Variants in PHACTR3 observed in about 807,000 individuals in gnomAD.
PHACTR3 encodes phosphatase and actin regulator 3, also known as protein phosphatase 1, regulatory subunit 123.
In PHACTR3, 16 loss-of-function variants were observed where a neutral mutation model predicts 66.8. The ratio of observed to expected loss-of-function variants is 0.24; its 90% confidence interval spans 0.16 to 0.36. The LOEUF is 0.36. Ranked by LOEUF, PHACTR3 falls within the 10% of genes least tolerant of loss-of-function variation. The pLI is 1.00. For missense variants in PHACTR3, 647 were observed against 719.9 expected (o/e 0.90, Z 1.16); for synonymous variants, 323 against 292.1 (o/e 1.11, Z -1.08).
rs755529112 is a variant in PHACTR3 at position 59,806,120 on chromosome 20, C to T, written c.1254C>T (p.Asp418=). The change falls in exon 8 of 13, where the codon GAC becomes GAT. Residue 418 remains aspartate, a synonymous_variant. Coordinates refer to ENST00000371015, the MANE Select transcript of PHACTR3 (RefSeq NM_080672.5). Reference sequence around the variant, plus strand: ...GGCCAAGCAAACAGGAACTAGAAGACCGGAACATTTTCCCCAGAAGGACTG... The same window carrying T: ...GGCCAAGCAAACAGGAACTAGAAGATCGGAACATTTTCCCCAGAAGGACTG... ...RNRPSKQELE[D]RNIFPRRTDE... The T allele has an allele frequency of 2.5e-6, 4 of 1,614,140 alleles. No homozygotes were observed. The highest frequency in any genetic ancestry group is 3.3e-5 in the Admixed American group (2 of 60,004).
chr20:59,763,444 A>G (rs1305799652), intron 4 of PHACTR3, among the ~76,000 whole-genome samples: 1 of 152,306 alleles, frequency 6.6e-6, no homozygotes, highest in East Asian at 1.9e-4. Flanking sequence ...TAGTGCCTGG[A>G]ACCCATGGTT....
intron 1 of PHACTR3, among the ~76,000 whole-genome samples, chr20:59,594,942 CT>C (rs1414830932): frequency 6.6e-6 from 1 of 152,140 alleles, no homozygotes; most frequent in Non-Finnish European, 1.5e-5. Flanking sequence ...AAATTTCACT[CT>C]AAACATTGTT....
chr20:59,759,421 A>C (rs953982647), intron 4 of PHACTR3, among the ~76,000 whole-genome samples: 29 of 152,196 alleles, frequency 1.9e-4, no homozygotes, highest in African/African-American at 6.3e-4. Flanking sequence ...TTCAGTCATC[A>C]AAGTTCAGGC....
At chr20:59,618,160 C>T (rs539580659) in intron 1 of PHACTR3, among the ~76,000 whole-genome samples, 9 of 152,156 alleles carry the variant, frequency 5.9e-5, no homozygotes, top group Non-Finnish European at 1.2e-4. Flanking sequence ...GTGCAAAGGC[C>T]AGGTGGTGGG....
chr20:59,671,278 T>C (rs1419798278), intron 1 of PHACTR3, among the ~76,000 whole-genome samples: 1 of 151,906 alleles, frequency 6.6e-6, no homozygotes, highest in African/African-American at 2.4e-5. Flanking sequence ...AGGCTGGGGG[T>C]GCGGCTCCAT....
chr20:59,833,643 C>G (rs1258596187), intron 8 of PHACTR3, among the ~76,000 whole-genome samples: 2 of 152,154 alleles, frequency 1.3e-5, no homozygotes, highest in Non-Finnish European at 2.9e-5. Flanking sequence ...AATGCACAGC[C>G]TCACTCCTCA....
intron 1 of PHACTR3, among the ~76,000 whole-genome samples, chr20:59,608,736 G>T (rs2033750616): frequency 6.6e-6 from 1 of 152,174 alleles, no homozygotes; most frequent in Non-Finnish European, 1.5e-5. Context: ...CAACTCTCTG[G>T]CTCTGAGCTC....
At chr20:59,618,487 G>A (rs2034114697) in intron 1 of PHACTR3, among the ~76,000 whole-genome samples, 1 of 152,204 alleles carries the variant, frequency 6.6e-6, no homozygotes, top group Non-Finnish European at 1.5e-5. Flanking sequence ...AGATGGTGGG[G>A]CCTGGGCTGG....
At chr20:59,675,301 G>A (rs1047838583) in intron 1 of PHACTR3, among the ~76,000 whole-genome samples, 1 of 151,896 alleles carries the variant, frequency 6.6e-6, no homozygotes, top group Admixed American at 6.6e-5. Flanking sequence ...CTGGGGAAGG[G>A]TACCCCATTG....
At chr20:59,752,012 ATAATT>A (rs909483542) in intron 3 of PHACTR3, among the ~76,000 whole-genome samples, 4 of 152,156 alleles carry the variant, frequency 2.6e-5, no homozygotes, top group African/African-American at 7.2e-5. Flanking sequence ...ATTTTCTTAA[ATAATT>A]TAAGGAATTT....
chr20:59,824,766 C>G (rs1018460031), intron 8 of PHACTR3, among the ~76,000 whole-genome samples: 3 of 152,220 alleles, frequency 2.0e-5, no homozygotes, highest in Non-Finnish European at 4.4e-5. Flanking sequence ...CCCTGATTGA[C>G]AGCCCCACCA....
intron 3 of PHACTR3, among the ~76,000 whole-genome samples, chr20:59,748,894 A>G (rs1180646449): frequency 6.6e-6 from 1 of 152,214 alleles, no homozygotes; most frequent in African/African-American, 2.4e-5. Flanking sequence ...GAAATAAACG[A>G]ATCCAGATTT....
chr20:59,794,224 T>C (rs925862673), intron 7 of PHACTR3, among the ~76,000 whole-genome samples: 4 of 152,160 alleles, frequency 2.6e-5, no homozygotes, highest in Non-Finnish European at 5.9e-5. Flanking sequence ...TAACTATGGA[T>C]TTGTCATATA....
intron 1 of PHACTR3, among the ~76,000 whole-genome samples, chr20:59,606,014 T>A (rs1027278205): frequency 1.8e-4 from 27 of 152,322 alleles, no homozygotes; most frequent in African/African-American, 6.3e-4. Flanking sequence ...AAAGCTGGTG[T>A]TTTGGTATCA....
At chr20:59,718,861 C>T (rs1601178993) in intron 1 of PHACTR3, among the ~76,000 whole-genome samples, 1 of 152,238 alleles carries the variant, frequency 6.6e-6, no homozygotes, top group Non-Finnish European at 1.5e-5. Context: ...TTGCAAGCAG[C>T]TGTGAATGGT....
chr20:59,669,752 C>T (rs1272263158), intron 1 of PHACTR3, among the ~76,000 whole-genome samples: 2 of 152,194 alleles, frequency 1.3e-5, no homozygotes, highest in Non-Finnish European at 2.9e-5. Context: ...TGGCTTCCTT[C>T]ATTTGGCATC....
chr20:59,650,393 G>A (rs2035424052), intron 1 of PHACTR3, among the ~76,000 whole-genome samples: 1 of 151,966 alleles, frequency 6.6e-6, no homozygotes, highest in Non-Finnish European at 1.5e-5. Flanking sequence ...TGGGGGGAGG[G>A]CGTTAATTTT....
rs539933849 is a variant in PHACTR3, at chr20:59,643,205, C to T, written c.118+38073C>T. ...GGATTACAGGCGTGAGCCACTGCGC[C>T]GGCCTAATTCTTCTTTTAAAAGTTG... On this transcript the variant is annotated intron_variant, in intron 1 of 12. Coordinates refer to ENST00000371015, the MANE Select transcript of PHACTR3 (RefSeq NM_080672.5). Among the ~76,000 whole-genome samples the T allele has an allele frequency of 5.9e-5, 9 of 152,196 alleles. No homozygotes were observed. The East Asian group carries it at 1.2e-3, about 20-fold the overall frequency.
intron 8 of PHACTR3, among the ~76,000 whole-genome samples, chr20:59,819,663 G>C (rs1021209442): frequency 4.6e-5 from 7 of 152,164 alleles, no homozygotes; most frequent in Non-Finnish European, 1.0e-4. Flanking sequence ...TGCTGTCCCA[G>C]TACTGGCCAC....
Sources: allele counts gnomAD v4.1 joint callset (sites outside exome capture counted in the v4.1 genomes callset), GRCh38; gene constraint gnomAD v4.1.1; transcripts MANE v1.5; gene names NCBI Gene and HGNC (gene_info 2026-07-23, HGNC 2026-07-21).